Variants in IL12RB2 observed in about 807,000 individuals in gnomAD.
IL12RB2 encodes interleukin 12 receptor subunit beta 2, also known as interleukin-12 receptor subunit beta-2.
IL12RB2 carries 82 observed loss-of-function variants against 89.4 expected under a neutral mutation model. That is an observed-to-expected ratio of 0.92 (90% CI 0.77 to 1.10). IL12RB2 has a LOEUF of 1.10. Among genes scored for constraint, IL12RB2 ranks in the 50% least tolerant of loss-of-function variants. The pLI, the probability that IL12RB2 is intolerant of heterozygous loss-of-function variation, is 0.00. For missense variants in IL12RB2, 963 were observed against 1,031.9 expected (o/e 0.93, Z 0.92); for synonymous variants, 368 against 370.1 (o/e 0.99, Z 0.07).
rs150359698 is a variant in IL12RB2, at chr1:67,352,875, G to T, written c.1258+1786G>T. Among the ~76,000 whole-genome samples the T allele has an allele frequency of 5.3e-5, 8 of 152,260 alleles. No homozygotes were observed. In the East Asian group the frequency reaches 1.5e-3, roughly 29 times the overall value. On this transcript the variant is annotated intron_variant, in intron 10 of 16. Coordinates refer to ENST00000674203, the MANE Select transcript of IL12RB2 (RefSeq NM_001374259.2). The stretch of plus-strand genomic sequence containing the variant: ...ACATACCCATGTTGGTGAGGGTGTG[G>T]GGAAGATACTCTTGTACACGCTAGT...
chr1:67,335,143 T>G (rs1434818944), intron 8 of IL12RB2, among the ~76,000 whole-genome samples: 1 of 152,226 alleles, frequency 6.6e-6, no homozygotes, highest in East Asian at 1.9e-4. Context: ...AGCAGAGATA[T>G]CAATCTTTTG....
chr1:67,377,648 G>A (rs988179397), intron 13 of IL12RB2, among the ~76,000 whole-genome samples: 3 of 151,746 alleles, frequency 2.0e-5, no homozygotes, highest in Non-Finnish European at 4.4e-5. Flanking sequence ...GCTAATCAAA[G>A]CCTCACAAGA....
chr1:67,321,949 G>C, intron 4 of IL12RB2, 60 bp downstream of exon 4: 1 of 1,458,256 alleles, frequency 6.9e-7, no homozygotes, highest in East Asian at 2.3e-5. Flanking sequence ...TTGATCTTTT[G>C]GTATTTGGTG....
At chr1:67,366,367 C>CT (rs1473914208) in intron 10 of IL12RB2, among the ~76,000 whole-genome samples, 1 of 146,336 alleles carries the variant, frequency 6.8e-6, no homozygotes, top group Non-Finnish European at 1.5e-5. Flanking sequence ...AGGAGAACTG[C>CT]TTGAACCTGG....
chr1:67,358,103 G>T (rs1570021451), intron 10 of IL12RB2, among the ~76,000 whole-genome samples: 1 of 151,282 alleles, frequency 6.6e-6, no homozygotes, highest in Non-Finnish European at 1.5e-5. Context: ...AAAGAAAAAA[G>T]TATAACAATA....
intron 15 of IL12RB2, among the ~76,000 whole-genome samples, chr1:67,387,353 T>A (rs1296089939): frequency 1.3e-5 from 2 of 152,266 alleles, no homozygotes; most frequent in East Asian, 3.9e-4. Flanking sequence ...AACTAAATCC[T>A]GATATATCTT....
chr1:67,334,541 C>A (rs755483646), intron 8 of IL12RB2, among the ~76,000 whole-genome samples: 2 of 152,152 alleles, frequency 1.3e-5, no homozygotes, highest in Admixed American at 1.3e-4. Flanking sequence ...TGCAGTGGTG[C>A]GATCTCGGCT....
intron 13 of IL12RB2, among the ~76,000 whole-genome samples, chr1:67,376,645 C>T (rs748477844): frequency 6.6e-6 from 1 of 152,202 alleles, no homozygotes; most frequent in Admixed American, 6.5e-5. Flanking sequence ...CTGACACCAT[C>T]ATCTTCCTCA....
chr1:67,336,673 C>T (rs1483867984), intron 8 of IL12RB2, among the ~76,000 whole-genome samples: 3 of 152,252 alleles, frequency 2.0e-5, no homozygotes, highest in East Asian at 3.9e-4. Context: ...GAGGATAGAA[C>T]AAAAAGAAGG....
At chr1:67,386,557 A>T in intron 14 of IL12RB2, 22 bp from the exon 15 acceptor site, 1 of 1,546,372 alleles carries the variant, frequency 6.5e-7, no homozygotes, top group Non-Finnish European at 8.9e-7. Context: ...TCACTCAGTC[A>T]CAGGATTTCC....
chr1:67,328,626 A>C (rs996746318), intron 6 of IL12RB2, among the ~76,000 whole-genome samples: 19 of 152,188 alleles, frequency 1.2e-4, no homozygotes, highest in African/African-American at 4.1e-4. Flanking sequence ...TAGCCCCTGG[A>C]TTCAAATCCC....
Position 67,372,672 on chromosome 1 carries a change from A to G in IL12RB2, c.1606A>G (p.Ser536Gly). The G allele has an allele frequency of 1.9e-6, 3 of 1,612,862 alleles. No individual in the cohort carries two copies. Among genetic ancestry groups the G allele is most frequent in the Non-Finnish European group, 2.5e-6 (3 of 1,178,800 alleles). The change falls in exon 13 of 17, where the codon AGC (serine) becomes GGC (glycine). Residue 536 changes from serine to glycine, a missense_variant. Transcript: ENST00000674203. ...TAATGCCATCACAGAGGAAAAGGGGAGCATTTTAATTTCATGGAACAGCAT... is the reference window on the plus strand; with the variant it reads ...TAATGCCATCACAGAGGAAAAGGGGGGCATTTTAATTTCATGGAACAGCAT... The part of the protein sequence containing the change: ...HINAITEEKG[S>G]ILISWNSIPV...
At chr1:67,389,777 C>G (rs1488907607) in intron 15 of IL12RB2, among the ~76,000 whole-genome samples, 2 of 152,242 alleles carry the variant, frequency 1.3e-5, no homozygotes, top group East Asian at 3.9e-4. Flanking sequence ...GCATAGCTGG[C>G]TAGTGATAGA....
chr1:67,374,777 C>CTTTTT (rs35122967), intron 13 of IL12RB2, among the ~76,000 whole-genome samples: 1 of 53,862 alleles, frequency 1.9e-5, no homozygotes, highest in Non-Finnish European at 3.2e-5. Context: ...AGCCCAGCCT[C>CTTTTT]TTTTTTTTTT....
chr1:67,312,915 T>A (rs561762519), intron 1 of IL12RB2, among the ~76,000 whole-genome samples: 2 of 152,358 alleles, frequency 1.3e-5, no homozygotes, highest in East Asian at 1.9e-4. Context: ...TTGGCTCATG[T>A]AAACAGTGCT....
chr1:67,390,455 C>CTTTTT (rs67532605), intron 16 of IL12RB2, among the ~76,000 whole-genome samples: 11 of 107,540 alleles, frequency 1.0e-4, no homozygotes, highest in Admixed American at 3.4e-4. Context: ...GCAAACTTTC[C>CTTTTT]TTTTTTTTTT....
Position 67,326,836 on chromosome 1 carries a change from G to C in IL12RB2, c.466G>C (p.Glu156Gln). Residue 156 changes from glutamate (E) to glutamine (Q), a missense_variant, in exon 5 of 17, where the codon GAG becomes CAG. Transcript: ENST00000674203. The stretch of plus-strand genomic sequence containing the variant: ...AGGACGAGACACCCACTTATACACT[G>C]AGTATACTCTACAGTGAGTGAGAGG... The part of the protein sequence containing the change: ...ERGRDTHLYT[E>Q]YTLQLSGPKN... The C allele has an allele frequency of 6.2e-7, 1 of 1,609,756 alleles. No individual in the cohort carries two copies.
intron 8 of IL12RB2, among the ~76,000 whole-genome samples, chr1:67,332,677 T>G (rs909007576): frequency 2.6e-5 from 4 of 152,214 alleles, no homozygotes; most frequent in Non-Finnish European, 5.9e-5. Flanking sequence ...TTAAAGACTA[T>G]CTCATGAATT....
In IL12RB2 at chr1:67,390,118, C is replaced by G. The variant is rs751476395; in HGVS notation, c.2036C>G (p.Pro679Arg). The G allele has an allele frequency of 2.6e-6, 3 of 1,160,880 alleles. No homozygotes were observed. Among genetic ancestry groups the G allele is most frequent in the Non-Finnish European group, 3.9e-6 (3 of 765,462 alleles). 71.9% of individuals were successfully genotyped at this position (1,160,880 alleles called of 1,614,324 possible). A position where few individuals can be genotyped will look rare whatever the true frequency, so the allele number is the denominator to read the frequency against. ...PANSTCAKKYPIAEEKTQLPL... is the reference protein window; with the variant it reads ...PANSTCAKKYRIAEEKTQLPL... ...AATAGCACTTGCGCTAAGAAATATC[C>G]CATTGCAGAGGTAAGGTACAATTCC... The change falls in exon 16 of 17, where the codon CCC becomes CGC. Residue 679 changes from proline to arginine, a missense_variant. Physicochemically the swap from Pro to Arg is moderately radical, Grantham distance 103 (BLOSUM62 -2). Coordinates refer to ENST00000674203, the MANE Select transcript of IL12RB2 (RefSeq NM_001374259.2).
Sources: gnomAD v4.1 joint callset for allele counts (sites outside exome capture counted in the v4.1 genomes callset) on GRCh38, gnomAD v4.1.1 for gene constraint, MANE v1.5 for transcripts, NCBI Gene and HGNC (gene_info 2026-07-23, HGNC 2026-07-21) for gene names.